DNAAF11: variants seen among roughly 807,000 people sequenced by gnomAD.
The protein encoded by DNAAF11 is leucine rich repeat containing 6.
DNAAF11 carries 45 observed loss-of-function variants against 60.8 expected under a neutral mutation model. The ratio of observed to expected loss-of-function variants is 0.74; its 90% CI spans 0.58 to 0.95. The LOEUF (loss-of-function observed/expected upper bound fraction) is 0.95, where lower values mean the gene tolerates loss of function less well. Ranked by LOEUF, DNAAF11 falls within the 40% of genes least tolerant of loss-of-function variation. The pLI is 0.00. For missense variants in DNAAF11, 546 were observed against 546.2 expected (o/e 1.00, Z 0.00); for synonymous variants, 191 against 183.5 (o/e 1.04, Z -0.33).
intron 3 of DNAAF11, among the ~76,000 whole-genome samples, chr8:132,654,137 G>C (rs966897613): frequency 3.3e-5 from 5 of 151,840 alleles, no homozygotes; most frequent in Non-Finnish European, 7.4e-5. Flanking sequence ...ATTAATACCA[G>C]ACAAAATAGA....
At chr8:132,651,091 C>T (rs565732764) in intron 3 of DNAAF11, among the ~76,000 whole-genome samples, 2 of 152,232 alleles carry the variant, frequency 1.3e-5, no homozygotes, top group East Asian at 3.9e-4. Flanking sequence ...ATCTCCTGTT[C>T]TGTGGAGATC....
chr8:132,641,359 T>C (rs942683663), intron 3 of DNAAF11, among the ~76,000 whole-genome samples: 1 of 152,220 alleles, frequency 6.6e-6, no homozygotes, highest in Non-Finnish European at 1.5e-5. Context: ...TTTGTCATAC[T>C]TGATGTTCTT....
chr8:132,617,684 C>T (rs1239796243), intron 7 of DNAAF11, among the ~76,000 whole-genome samples: 2 of 152,154 alleles, frequency 1.3e-5, no homozygotes, highest in Admixed American at 1.3e-4. Flanking sequence ...TGAGAGAGGG[C>T]ATCCCTGTCT....
At chr8:132,596,185 GGCAGGT>G (rs1817000968) in intron 10 of DNAAF11, among the ~76,000 whole-genome samples, 1 of 152,108 alleles carries the variant, frequency 6.6e-6, no homozygotes, top group Non-Finnish European at 1.5e-5. Flanking sequence ...CCCGTCAATT[GGCAGGT>G]GCATACAAAA....
the DNAAF11 span, among the ~76,000 whole-genome samples, chr8:132,688,814 A>G: frequency 6.6e-6 from 1 of 152,182 alleles, no homozygotes. Context: ...CTTCCCTTAA[A>G]TTAGTTTGAG....
At chr8:132,611,546 A>G (rs985457108) in intron 8 of DNAAF11, among the ~76,000 whole-genome samples, 183 bp from the exon 9 acceptor site, 4 of 152,218 alleles carry the variant, frequency 2.6e-5, no homozygotes, top group Non-Finnish European at 5.9e-5. Flanking sequence ...TCAATATATC[A>G]GCAATTTCAT....
intron 1 of DNAAF11, among the ~76,000 whole-genome samples, chr8:132,662,627 T>C (rs1235187779): frequency 2.6e-5 from 4 of 152,186 alleles, no homozygotes; most frequent in Non-Finnish European, 5.9e-5. Flanking sequence ...ATTACTGCCA[T>C]TTGTCAGATG....
At chr8:132,605,811 C>T (rs1317506497) in intron 10 of DNAAF11, among the ~76,000 whole-genome samples, 2 of 152,078 alleles carry the variant, frequency 1.3e-5, no homozygotes, top group Non-Finnish European at 2.9e-5. Context: ...GAAGGACATT[C>T]TGGCAGAAAG....
In DNAAF11 at chr8:132,675,322, T is replaced by G. The variant is rs143582722; in HGVS notation, c.10+162A>C. The G allele has an allele frequency of 0.012, 8,344 of 678,778 alleles. 77 individuals carry two copies. The highest frequency in any genetic ancestry group is 0.016 in the Non-Finnish European group (6,656 of 404,820). 42.0% of individuals were successfully genotyped at this position (678,778 alleles called of 1,614,324 possible). On this transcript the variant is annotated intron_variant, in intron 1 of 11. Coordinates refer to ENST00000620350, the MANE Select transcript of DNAAF11 (RefSeq NM_012472.6). Reference sequence around the variant, plus strand: ...TCCGGCCAGTCTGCAGAGGACCTGGTGCAGCCGGGGCTGCGGTGCGGAGGG... The same window carrying G: ...TCCGGCCAGTCTGCAGAGGACCTGGGGCAGCCGGGGCTGCGGTGCGGAGGG...
intron 10 of DNAAF11, among the ~76,000 whole-genome samples, chr8:132,599,734 C>T (rs1418164257): frequency 2.6e-5 from 4 of 152,134 alleles, no homozygotes; most frequent in Admixed American, 2.6e-4. Context: ...GCCCTTCATG[C>T]TAAAAACTCT....
At chr8:132,641,339 G>A (rs1048527461) in intron 3 of DNAAF11, among the ~76,000 whole-genome samples, 2 of 152,054 alleles carry the variant, frequency 1.3e-5, no homozygotes, top group African/African-American at 4.8e-5. Context: ...TTTTAATTTT[G>A]TGTACATCCT....
At chr8:132,691,944 G>T in the DNAAF11 span, among the ~76,000 whole-genome samples, 3 of 152,136 alleles carry the variant, frequency 2.0e-5, no homozygotes, top group African/African-American at 7.2e-5. Flanking sequence ...CCTCGCCTAT[G>T]ATCCATATCA....
chr8:132,696,514 G>A, the DNAAF11 span, among the ~76,000 whole-genome samples: 1 of 152,126 alleles, frequency 6.6e-6, no homozygotes, highest in African/African-American at 2.4e-5. Flanking sequence ...CAGCCAAAAT[G>A]TCCATCAATT....
chr8:132,624,709 T>C (rs924757397), intron 6 of DNAAF11, among the ~76,000 whole-genome samples: 6 of 152,236 alleles, frequency 3.9e-5, no homozygotes, highest in African/African-American at 1.4e-4. Context: ...AGCAATGACA[T>C]GAAATGGAAT....
chr8:132,638,532 T>C (rs1172922455), intron 3 of DNAAF11, among the ~76,000 whole-genome samples: 2 of 152,154 alleles, frequency 1.3e-5, no homozygotes, highest in African/African-American at 4.8e-5. Context: ...AGGTGGGACA[T>C]ATTTCATCTT....
chr8:132,599,899 C>T (rs939148113), intron 10 of DNAAF11, among the ~76,000 whole-genome samples: 1 of 152,012 alleles, frequency 6.6e-6, no homozygotes, highest in African/African-American at 2.4e-5. Flanking sequence ...ACTCCTTCAA[C>T]ATAGTGTTGG....
At chr8:132,676,240 C>T (rs569466880), upstream of DNAAF11, among the ~76,000 whole-genome samples, 7 of 152,234 alleles carry the variant, frequency 4.6e-5, no homozygotes, top group Non-Finnish European at 1.0e-4. Flanking sequence ...CAGCCCCACA[C>T]TCCCCTCACG....
intron 1 of DNAAF11, among the ~76,000 whole-genome samples, chr8:132,674,576 T>G (rs1825592091): frequency 6.6e-6 from 1 of 152,210 alleles, no homozygotes. Context: ...CCTTGCAGTT[T>G]GTTAGTATAT....
In DNAAF11 at chr8:132,615,031, T is replaced by A. The variant is rs1819005036; in HGVS notation, c.974+7A>T. 2 of 1,563,366 alleles carry A rather than the reference T, an allele frequency of 1.3e-6. No homozygotes were observed. The highest frequency in any genetic ancestry group is 1.8e-6 in the Non-Finnish European group (2 of 1,140,148). On this transcript the variant is annotated splice_region_variant and intron_variant, in intron 8 of 11. Coordinates refer to ENST00000620350, the MANE Select transcript of DNAAF11 (RefSeq NM_012472.6). ...GTCATAAATAAATACGTAGAAAATG[T>A]CTTTACCTATAGACAGCAAGGTCCA...
Sources: gnomAD v4.1 joint callset for allele counts (sites outside exome capture counted in the v4.1 genomes callset) on GRCh38, gnomAD v4.1.1 for gene constraint, MANE v1.5 for transcripts, NCBI Gene and HGNC (gene_info 2026-07-23, HGNC 2026-07-21) for gene names.